Variants in USP24 observed in about 807,000 individuals in gnomAD.
USP24 encodes ubiquitin specific peptidase 24, also known as ubiquitin carboxyl-terminal hydrolase 24.
In USP24, 97 loss-of-function variants were observed where a neutral mutation model predicts 361.6. That is an observed-to-expected ratio of 0.27 (90% CI 0.23 to 0.32). USP24 has a LOEUF of 0.32. USP24 is among the 10% of genes least tolerant of loss of function. The pLI, the probability that USP24 is intolerant of heterozygous loss-of-function variation, is 1.00. For synonymous variants in USP24, 1,098 were observed against 1,124.6 expected, an observed-to-expected ratio of 0.98 and a Z score of 0.47; for missense variants, 2,353 against 3,165.6, an observed-to-expected ratio of 0.74 and a Z score of 6.16.
intron 11 of USP24, 49 bp downstream of exon 11, chr1:55,157,207 A>G: frequency 7.2e-7 from 1 of 1,391,150 alleles, no homozygotes. Flanking sequence ...ACAAAGATAT[A>G]TTATTTAAAT....
intron 5 of USP24, 82 bp downstream of exon 5, chr1:55,171,474 G>A: frequency 6.8e-7 from 1 of 1,468,006 alleles, no homozygotes; most frequent in Non-Finnish European, 9.2e-7. Context: ...ATCCTCCCAT[G>A]TAACTTGTCT....
intron 46 of USP24, 113 bp downstream of exon 46, chr1:55,098,363 G>T: frequency 1.0e-6 from 1 of 994,700 alleles, no homozygotes; most frequent in Non-Finnish European, 1.5e-6. Context: ...TTATAGATCT[G>T]TTGACAGGGA....
chr1:55,212,601 A>G (rs1644873856), intron 1 of USP24, among the ~76,000 whole-genome samples: 1 of 152,182 alleles, frequency 6.6e-6, no homozygotes, highest in Non-Finnish European at 1.5e-5. Context: ...TACACCAAGG[A>G]TGACCAAGAA....
At chr1:55,134,184 A>T (rs947309372) in intron 29 of USP24, 21 bp from the exon 30 acceptor site, 10 of 1,608,374 alleles carry the variant, frequency 6.2e-6, no homozygotes, top group East Asian at 2.2e-5. Context: ...TCAAATACAA[A>T]TTTTTTCATA....
chr1:55,089,807 C>T (rs911455180), intron 54 of USP24, 67 bp from the exon 55 acceptor site: 4 of 1,088,146 alleles, frequency 3.7e-6, no homozygotes, highest in Non-Finnish European at 5.4e-6. Flanking sequence ...ATGCAGTGCA[C>T]TCTTGTTGGT....
At chr1:55,214,238 A>C (rs1644923881) in intron 1 of USP24, among the ~76,000 whole-genome samples, 2 of 143,202 alleles carry the variant, frequency 1.4e-5, no homozygotes, top group African/African-American at 2.6e-5. Context: ...CCCCAACCTC[A>C]CTCCTAACCC....
intron 1 of USP24, among the ~76,000 whole-genome samples, chr1:55,188,248 C>A (rs1281663165): frequency 8.5e-5 from 13 of 152,050 alleles, no homozygotes; most frequent in Admixed American, 8.5e-4. Flanking sequence ...CCACCTCAAG[C>A]CACATACAAA....
chr1:55,083,847 C>T lies in USP24; in HGVS notation c.6807G>A (p.Leu2269=). ...LHQLLEVLLA[L]LDKDVPENCK... Reference sequence around the variant, plus strand: ...AATTTTCTGGGACGTCTTTGTCCAACAGAGCAAGTAGTACCTCCAGTAACT... The same window carrying T: ...AATTTTCTGGGACGTCTTTGTCCAATAGAGCAAGTAGTACCTCCAGTAACT... The change falls in exon 57 of 68, where the codon CTG becomes CTA. Residue 2269 remains leucine, a synonymous_variant. Coordinates refer to ENST00000294383, the MANE Select transcript of USP24 (RefSeq NM_015306.3). 6.2e-7 allele frequency: 1 copy of T among 1,604,816 alleles called. No individual in the cohort carries two copies. The highest frequency in any genetic ancestry group is 1.1e-5 in the South Asian group (1 of 89,032).
At chr1:55,138,768 C>T (rs1302421372) in intron 25 of USP24, 50 bp from the exon 26 acceptor site, 1 of 1,405,850 alleles carries the variant, frequency 7.1e-7, no homozygotes, top group Non-Finnish European at 9.9e-7. Context: ...CTGATAAACA[C>T]ATCAAAAATA....
intron 59 of USP24, 145 bp downstream of exon 59, chr1:55,081,177 A>T: frequency 1.4e-6 from 1 of 738,080 alleles, no homozygotes; most frequent in Non-Finnish European, 2.2e-6. Flanking sequence ...AAAGTTTAAC[A>T]TGAATTAAAA....
intron 20 of USP24, among the ~76,000 whole-genome samples, chr1:55,145,738 C>A (rs1300682802): frequency 6.6e-6 from 1 of 151,912 alleles, no homozygotes; most frequent in South Asian, 2.1e-4. Flanking sequence ...CCTTAATGAA[C>A]CCTTTTGTAC....
At chr1:55,077,178 A>G in intron 62 of USP24, 57 bp downstream of exon 62, 1 of 1,345,552 alleles carries the variant, frequency 7.4e-7, no homozygotes, top group Non-Finnish European at 9.8e-7. Context: ...TTATTTATAA[A>G]CACTTGTTGA....
At chr1:55,074,311 A>G (rs1644980594) in intron 63 of USP24, among the ~76,000 whole-genome samples, 1 of 152,140 alleles carries the variant, frequency 6.6e-6, no homozygotes, top group Non-Finnish European at 1.5e-5. Flanking sequence ...CAGTTCAGCA[A>G]TTATCACCTG....
rs1198304841 is a variant in USP24, at chr1:55,179,511, T to C, written c.325-1379A>G. On this transcript the variant is annotated intron_variant, in intron 1 of 67. Coordinates refer to ENST00000294383, the MANE Select transcript of USP24 (RefSeq NM_015306.3). ...CAAATGCAACTGCCTATTTGACATC[T>C]TCTCTAATTCAATGTTTGCCCCAAA... 2.6e-5 allele frequency among the ~76,000 whole-genome samples: 4 copies of C among 152,176 alleles called. No individual in the cohort carries two copies. In the East Asian group the frequency reaches 7.7e-4, roughly 29 times the overall value.
At chr1:55,097,903 A>G (rs373523345) in intron 47 of USP24, 40 bp downstream of exon 47, 24 of 1,566,626 alleles carry the variant, frequency 1.5e-5, no homozygotes, top group Non-Finnish European at 2.0e-5. Flanking sequence ...TATGCGAATA[A>G]CAAATTAATC....
intron 1 of USP24, among the ~76,000 whole-genome samples, chr1:55,209,562 T>C (rs1644800315): frequency 6.6e-6 from 1 of 152,218 alleles, no homozygotes. Context: ...TCACCTTGTG[T>C]TTAGATTGCC....
At chr1:55,213,365 GTGTC>G (rs1432559734) in intron 1 of USP24, among the ~76,000 whole-genome samples, 1 of 152,250 alleles carries the variant, frequency 6.6e-6, no homozygotes, top group Non-Finnish European at 1.5e-5. Flanking sequence ...TCTAGCAACT[GTGTC>G]TAAGTGTGGA....
chr1:55,093,691 A>C lies in USP24; in HGVS notation c.6354+246T>G. On this transcript the variant is annotated intron_variant, in intron 52 of 67. Coordinates refer to ENST00000294383, the MANE Select transcript of USP24 (RefSeq NM_015306.3). ...TGTTTATTTGTGACATTTCACACTC[A>C]CAGAGCAGGTCAGTGATTGTGCCTG... The C allele has an allele frequency of 8.0e-6, 3 of 376,220 alleles. No homozygotes were observed. The South Asian group carries it at 2.0e-4, about 25-fold the overall frequency. The allele number at this position is 376,220 out of a possible 1,614,324, so 23.3% of individuals were successfully genotyped here.
rs1477164969 is a variant in USP24 at position 55,100,975 on chromosome 1, A to G, written c.5146-11T>C. On this transcript the variant is annotated splice_polypyrimidine_tract_variant and intron_variant, in intron 43 of 67. Transcript: ENST00000294383. ...CACTGAAAGTAATGACTGCACAGAA[A>G]AGAAACATATCAAGCTTGAAATATT... 2.5e-6 allele frequency: 4 copies of G among 1,607,126 alleles called. No individual in the cohort carries two copies. The African/African-American group carries it at 5.4e-5, about 22-fold the overall frequency.
Sources: gnomAD v4.1 joint callset for allele counts (sites outside exome capture counted in the v4.1 genomes callset) on GRCh38, gnomAD v4.1.1 for gene constraint, MANE v1.5 for transcripts, NCBI Gene and HGNC (gene_info 2026-07-23, HGNC 2026-07-21) for gene names.